Variants in IQCH observed in about 807,000 individuals in gnomAD.
IQCH encodes the protein IQ motif containing H.
IQCH carries 98 observed loss-of-function variants against 117.0 expected under a neutral mutation model. The observed-to-expected ratio is 0.84, with a 90% CI of 0.71 to 0.99. The LOEUF (loss-of-function observed/expected upper bound fraction) is 0.99, where lower values mean the gene tolerates loss of function less well. IQCH is among the 50% of genes least tolerant of loss of function. IQCH has a pLI of 0.00. For missense variants in IQCH, 1,102 were observed against 1,243.8 expected (o/e 0.89, Z 1.72); for synonymous variants, 412 against 448.2 (o/e 0.92, Z 1.02).
In IQCH at chr15:67,400,158, A is replaced by G. The variant is rs1297827084; in HGVS notation, c.1950A>G (p.Ile650Met). 1 of 1,613,912 alleles carries G rather than the reference A, an allele frequency of 6.2e-7. No homozygotes were observed. The highest frequency in any genetic ancestry group is 8.5e-7 in the Non-Finnish European group (1 of 1,179,896). The part of the protein sequence containing the change: ...LSQLITDHLQ[I>M]QRWLFKMDSE... ...AGCTGATAACTGATCACCTGCAAAT[A>G]CAGCGTTGGCTCTTTAAAATGGACT... The change falls in exon 14 of 21, where the codon ATA becomes ATG. Residue 650 changes from isoleucine (I) to methionine (M), a missense_variant. Transcript: ENST00000335894.
Position 67,288,515 on chromosome 15 carries a change from CT to C in IQCH, c.387+9005del, listed in dbSNP as rs1445855661. Among the ~76,000 whole-genome samples, 5 of 152,068 alleles carry C rather than the reference CT, an allele frequency of 3.3e-5. No individual in the cohort carries two copies. The Admixed American group carries it at 3.3e-4, about 10-fold the overall frequency. ...TATCATTATATAGTGACATTTGTCTCTTCTTATAGTTTTTGTCTTGAAATCT... is the reference window on the plus strand; with the variant it reads ...TATCATTATATAGTGACATTTGTCTCTCTTATAGTTTTTGTCTTGAAATCT... On this transcript the variant is annotated intron_variant, in intron 4 of 20. Coordinates refer to ENST00000335894, the MANE Select transcript of IQCH (RefSeq NM_001031715.3).
intron 8 of IQCH, among the ~76,000 whole-genome samples, chr15:67,371,268 G>A (rs1399512488): frequency 1.3e-5 from 2 of 152,256 alleles, no homozygotes; most frequent in East Asian, 1.9e-4. Flanking sequence ...GAATTGAAAT[G>A]TAGTGGTTTA....
intron 12 of IQCH, 127 bp downstream of exon 12, chr15:67,389,133 T>G (rs1971200710): frequency 2.8e-6 from 2 of 706,780 alleles, no homozygotes; most frequent in African/African-American, 1.8e-5. Flanking sequence ...CTTTACTGAT[T>G]AGACTACTAG....
intron 5 of IQCH, among the ~76,000 whole-genome samples, chr15:67,339,306 TAAA>T (rs1444685241): frequency 2.0e-5 from 3 of 152,178 alleles, no homozygotes; most frequent in African/African-American, 7.2e-5. Flanking sequence ...CAAAAACAGC[TAAA>T]ATCATGACTC....
Position 67,475,656 on chromosome 15 carries a change from T to C in IQCH, c.2677-40T>C, listed in dbSNP as rs374995158. 3 of 1,587,766 alleles carry C rather than the reference T, an allele frequency of 1.9e-6. No homozygotes were observed. Among genetic ancestry groups the C allele is most frequent in the African/African-American group, 2.7e-5 (2 of 73,822 alleles). ...CAAGTATTCCAAAATTACAAGTTTA[T>C]TTAAATATCTGTTTAATATTCAGTT... On this transcript the variant is annotated intron_variant, in intron 17 of 20. Transcript: ENST00000335894. The surrounding 1 kb of genome is among the most constrained non-coding windows in gnomAD (Gnocchi z 5.7).
At position 67,384,005 on chromosome 15, in the gene IQCH, G is replaced by A. The variant is rs142138160; in HGVS notation, c.1373-931G>A. The stretch of plus-strand genomic sequence containing the variant: ...GAAAAGGAAATGTGTGTCACATCTT[G>A]AAGATGTAGTATATAAAATCACTTT... On this transcript the variant is annotated intron_variant, in intron 10 of 20. Transcript: ENST00000335894. This position sits in a 1 kb window ranked among gnomAD's most constrained non-coding sequence, Gnocchi z 4.3. Among the ~76,000 whole-genome samples the A allele has an allele frequency of 1.5e-4, 23 of 152,248 alleles. No individual in the cohort carries two copies. The highest frequency in any genetic ancestry group is 3.4e-3 in the Middle Eastern group (1 of 294).
intron 4 of IQCH, among the ~76,000 whole-genome samples, chr15:67,298,748 C>T (rs1281129637): frequency 5.9e-5 from 9 of 152,194 alleles, no homozygotes; most frequent in African/African-American, 2.2e-4. Flanking sequence ...TGCCTGTAAT[C>T]TCAGCTACTT....
intron 4 of IQCH, among the ~76,000 whole-genome samples, chr15:67,284,846 C>G (rs1346844757): frequency 1.3e-5 from 2 of 152,106 alleles, no homozygotes; most frequent in African/African-American, 2.4e-5. Flanking sequence ...TTTTCTTTAT[C>G]CAGTCTATTA....
chr15:67,283,049 A>G (rs1966426723), intron 4 of IQCH, among the ~76,000 whole-genome samples: 1 of 152,200 alleles, frequency 6.6e-6, no homozygotes, highest in South Asian at 2.1e-4. Context: ...TATAAAGTCT[A>G]ATTTTCAGAA....
Position 67,449,050 on chromosome 15 carries a change from C to T in IQCH, c.2506-16077C>T, listed in dbSNP as rs372645015. Among the ~76,000 whole-genome samples the T allele has an allele frequency of 8.9e-4, 115 of 129,042 alleles. 6 individuals carry two copies. Among genetic ancestry groups the T allele is most frequent in the East Asian group, 7.2e-3 (32 of 4,448 alleles). The allele number at this position is 129,042 out of a possible 152,430, so 84.7% of individuals were successfully genotyped here. A position where few individuals can be genotyped will look rare whatever the true frequency, so the allele number is the denominator to read the frequency against. On this transcript the variant is annotated intron_variant, in intron 16 of 20. Coordinates refer to ENST00000335894, the MANE Select transcript of IQCH (RefSeq NM_001031715.3). The stretch of plus-strand genomic sequence containing the variant: ...TTGAGAAGTGTCTGTTCATATCCTT[C>T]GCCCACTTTTTGATGGGGTTGTTTG...
intron 6 of IQCH, among the ~76,000 whole-genome samples, chr15:67,353,221 A>G (rs111824370): frequency 4.4e-4 from 67 of 152,086 alleles, no homozygotes; most frequent in African/African-American, 1.6e-3. Flanking sequence ...ACACAAGAAG[A>G]CAGAAAAAGA....
rs1285245199 is a variant in IQCH at position 67,406,666 on chromosome 15, GGGTAACTAA to G, written c.2097+6363_2097+6371del. 1 of 152,188 alleles carries G rather than the reference GGGTAACTAA, an allele frequency of 6.6e-6. No individual in the cohort carries two copies. Among genetic ancestry groups the G allele is most frequent in the Non-Finnish European group, 1.5e-5 (1 of 68,046 alleles). 9.4% of individuals were successfully genotyped at this position (152,188 alleles called of 1,614,324 possible). A position where few individuals can be genotyped will look rare whatever the true frequency, so the allele number is the denominator to read the frequency against. ...AGTGTTGGAACAGGCTAGTCATTCA[GGGTAACTAA>G]GAGGTAGTTTGGCTTCCTGGGGTTC... On this transcript the variant is annotated intron_variant, in intron 14 of 20. Coordinates refer to ENST00000335894, the MANE Select transcript of IQCH (RefSeq NM_001031715.3). The surrounding 1 kb of genome is among the most constrained non-coding windows in gnomAD (Gnocchi z 4.5).
rs965844915 is a variant in IQCH at position 67,403,696 on chromosome 15, G to T, written c.2097+3391G>T. 1.3e-5 allele frequency: 2 copies of T among 152,196 alleles called. No individual in the cohort carries two copies. Among genetic ancestry groups the T allele is most frequent in the Non-Finnish European group, 2.9e-5 (2 of 68,040 alleles). The allele number at this position is 152,196 out of a possible 1,614,324, so 9.4% of individuals were successfully genotyped here. On this transcript the variant is annotated intron_variant, in intron 14 of 20. Transcript: ENST00000335894. The surrounding 1 kb of genome is among the most constrained non-coding windows in gnomAD (Gnocchi z 4.8). ...AAACAAAGGAAGGCAAACATGTAGG[G>T]GAGAAACATTCCTGGGTAAGCTCAC... is the stretch of plus-strand genomic sequence containing the variant.
chr15:67,338,847 T>TC (rs1313644701), intron 5 of IQCH, among the ~76,000 whole-genome samples: 1 of 152,114 alleles, frequency 6.6e-6, no homozygotes, highest in East Asian at 1.9e-4. Context: ...CACCTACATC[T>TC]CCATTTCTCA....
chr15:67,262,810 T>G (rs1471241177), intron 2 of IQCH, among the ~76,000 whole-genome samples: 1 of 151,878 alleles, frequency 6.6e-6, no homozygotes, highest in African/African-American at 2.4e-5. Context: ...GCTTAAGCCT[T>G]GGAGGCTGAG....
intron 7 of IQCH, among the ~76,000 whole-genome samples, chr15:67,358,816 C>A (rs143733344): frequency 3.3e-5 from 5 of 152,354 alleles, no homozygotes; most frequent in Non-Finnish European, 7.3e-5. Context: ...TCTTCCCAGA[C>A]TTTTATCTTT....
intron 4 of IQCH, among the ~76,000 whole-genome samples, chr15:67,287,173 T>C (rs1036017512): frequency 2.6e-5 from 4 of 152,212 alleles, no homozygotes; most frequent in African/African-American, 9.6e-5. Flanking sequence ...TTCAGTTTGC[T>C]AATTTTTTTG....
At chr15:67,375,492 C>T (rs879453656) in intron 10 of IQCH, among the ~76,000 whole-genome samples, 1 of 151,958 alleles carries the variant, frequency 6.6e-6, no homozygotes, top group Non-Finnish European at 1.5e-5. Context: ...AAATAGAAAA[C>T]GTTATTTTAA....
At chr15:67,412,663 T>G (rs1398154022) in intron 14 of IQCH, among the ~76,000 whole-genome samples, 1 of 152,024 alleles carries the variant, frequency 6.6e-6, no homozygotes, top group Non-Finnish European at 1.5e-5. Context: ...CCTCCCAAAG[T>G]GTTGGGATTA....
Sources: allele counts gnomAD v4.1 joint callset (sites outside exome capture counted in the v4.1 genomes callset), GRCh38; gene constraint gnomAD v4.1.1; non-coding constraint Gnocchi (gnomAD v3.1); transcripts MANE v1.5; gene names NCBI Gene and HGNC (gene_info 2026-07-23, HGNC 2026-07-21).